The following TVP23C variants were observed in gnomAD, a reference collection of about 807,000 sequenced individuals.
The protein encoded by TVP23C is Golgi apparatus membrane protein TVP23 homolog C.
In TVP23C, 19 loss-of-function variants were observed where a neutral mutation model predicts 28.7. The ratio of observed to expected loss-of-function variants is 0.66; its 90% confidence interval spans 0.46 to 0.97. The LOEUF (loss-of-function observed/expected upper bound fraction) is 0.97, where lower values mean the gene tolerates loss of function less well. Ranked by LOEUF, TVP23C falls within the 50% of genes least tolerant of loss-of-function variation. The pLI, the probability that TVP23C is intolerant of heterozygous loss-of-function variation, is 0.00. For synonymous variants in TVP23C, 68 were observed against 81.7 expected (o/e 0.83, Z 0.90); for missense variants, 186 against 241.3 (o/e 0.77, Z 1.52).
Position 15,505,019 on chromosome 17 carries a change from A to G in TVP23C, c.463-1787T>C, listed in dbSNP as rs1265407462. ...TTTGAGTCAGCATCATGCACAGCCC[A>G]GGCCACACAGACCCACAGTTATATA... On this transcript the variant is annotated intron_variant, in intron 5 of 5. Transcript: ENST00000225576. 5.3e-5 allele frequency among the ~76,000 whole-genome samples: 8 copies of G among 152,344 alleles called. No individual in the cohort carries two copies. The East Asian group carries it at 1.5e-3, about 29-fold the overall frequency.
chr17:15,558,756 G>A (rs1404065806), intron 1 of TVP23C, among the ~76,000 whole-genome samples: 1 of 148,730 alleles, frequency 6.7e-6, no homozygotes, highest in Non-Finnish European at 1.5e-5. Context: ...AACCCCTTGA[G>A]CCTCATTCTG....
chr17:15,550,372 T>A (rs1983834145), intron 3 of TVP23C, among the ~76,000 whole-genome samples: 1 of 152,220 alleles, frequency 6.6e-6, no homozygotes, highest in Admixed American at 6.5e-5. Flanking sequence ...GTAGAAAATG[T>A]AGGTGCTTTG....
At chr17:15,506,718 G>A (rs567696830) in intron 5 of TVP23C, 2 of 355,204 alleles carry the variant, frequency 5.6e-6, no homozygotes, top group East Asian at 6.9e-5. Context: ...GAACCCACCA[G>A]AAGGAAGAAA....
chr17:15,554,901 G>A (rs1209239827), intron 2 of TVP23C, among the ~76,000 whole-genome samples: 2 of 152,186 alleles, frequency 1.3e-5, no homozygotes, highest in Non-Finnish European at 2.9e-5. Context: ...ATTTGCTTTC[G>A]ATAAGTGAAT....
intron 5 of TVP23C, among the ~76,000 whole-genome samples, chr17:15,507,868 A>G (rs541590496): frequency 1.2e-4 from 19 of 152,062 alleles, no homozygotes; most frequent in African/African-American, 4.3e-4. Flanking sequence ...ACTAAATAAC[A>G]AAAAAAAGAA....
At chr17:15,530,336 G>A (rs1320040168) in intron 5 of TVP23C, among the ~76,000 whole-genome samples, 1 of 151,950 alleles carries the variant, frequency 6.6e-6, no homozygotes, top group Admixed American at 6.6e-5. Context: ...GGTTGCCCTA[G>A]GGACTATGAT....
intron 5 of TVP23C, among the ~76,000 whole-genome samples, chr17:15,525,114 A>C (rs73978055): frequency 0.055 from 8,321 of 152,274 alleles, 741 homozygotes; most frequent in African/African-American, 0.19. Flanking sequence ...ACACACTGGA[A>C]ATCTGTACCT....
exon 6 of TVP23C, chr17:15,502,672 T>C (rs1041350654): frequency 8.1e-6 from 8 of 993,046 alleles, no homozygotes; most frequent in African/African-American, 3.3e-5. Context: ...TCTGCCCTTT[T>C]CCCCTTAGTT....
At position 15,547,121 on chromosome 17, in the gene TVP23C, G is replaced by A; in HGVS notation, c.268C>T (p.Leu90=). The change falls in exon 4 of 6, where the codon CTA becomes TTA. Residue 90 remains leucine, a synonymous_variant. Coordinates refer to ENST00000518321, the MANE Select transcript of TVP23C (RefSeq NM_001135036.2). The part of the protein sequence containing the change: ...KNVTGRLMVG[L]RWWNHIDEDG... ...TCATCAATGTGATTCCACCAACGTA[G>A]GCCAACCATTAGTCTACCTGTGACA... is the stretch of plus-strand genomic sequence containing the variant. 6.2e-7 allele frequency: 1 copy of A among 1,609,962 alleles called. No individual in the cohort carries two copies. The highest frequency in any genetic ancestry group is 8.5e-7 in the Non-Finnish European group (1 of 1,178,822).
chr17:15,549,705 C>G (rs998121470), intron 3 of TVP23C, among the ~76,000 whole-genome samples: 2 of 151,840 alleles, frequency 1.3e-5, no homozygotes, highest in African/African-American at 2.4e-5. Context: ...ATTTGAGATG[C>G]CTTCAAGACA....
At chr17:15,562,238 G>A (rs1209462258) in intron 1 of TVP23C, 1 of 152,126 alleles carries the variant, frequency 6.6e-6, no homozygotes, top group African/African-American at 2.4e-5. Context: ...TGTTTTGTTT[G>A]AGACGGAGTC....
rs2921195 is a variant in TVP23C at position 15,526,955 on chromosome 17, A to G, written c.462+18830T>C. Among the ~76,000 whole-genome samples the G allele has an allele frequency of 5.5e-3, 836 of 152,296 alleles. 4 individuals are homozygous for G. Among genetic ancestry groups the G allele is most frequent in the African/African-American group, 0.019 (792 of 41,562 alleles). ...TGTTAAATAAAATTTATAGGAGGTC[A>G]TTGGTTTGAAGTAAGTTCCTGCACT... On this transcript the variant is annotated intron_variant, in intron 5 of 5. Coordinates refer to the TVP23C transcript ENST00000225576.
chr17:15,554,343 T>C (rs541576840), intron 2 of TVP23C, among the ~76,000 whole-genome samples: 59 of 149,288 alleles, frequency 4.0e-4, no homozygotes, highest in Non-Finnish European at 7.4e-5. Flanking sequence ...GTTCACGCCA[T>C]TGTCCTGCCT....
chr17:15,503,316 G>A (rs1597497595), intron 5 of TVP23C: 2 of 1,421,814 alleles, frequency 1.4e-6, no homozygotes, highest in Admixed American at 2.8e-5. Flanking sequence ...GAGATGGGAG[G>A]ATCGCTTCAG....
intron 5 of TVP23C, among the ~76,000 whole-genome samples, chr17:15,541,459 C>T (rs961665053): frequency 3.9e-5 from 6 of 151,980 alleles, no homozygotes; most frequent in East Asian, 1.9e-4. Flanking sequence ...AAACAGGTGT[C>T]GGGCTGGATT....
At chr17:15,535,213 C>T (rs1228450833), downstream of TVP23C, among the ~76,000 whole-genome samples, 1 of 152,160 alleles carries the variant, frequency 6.6e-6, no homozygotes, top group Non-Finnish European at 1.5e-5. Flanking sequence ...AAGTACTGGG[C>T]TCTATGTACC....
intron 4 of TVP23C, among the ~76,000 whole-genome samples, 193 bp downstream of exon 4, chr17:15,546,866 T>C (rs1444899519): frequency 3.9e-5 from 6 of 152,040 alleles, no homozygotes. Context: ...ATTCTGTTCG[T>C]ATATTGCTTG....
intron 5 of TVP23C, among the ~76,000 whole-genome samples, chr17:15,518,167 C>CAAAAAA (rs895582466): frequency 3.1e-4 from 17 of 54,264 alleles, no homozygotes; most frequent in Non-Finnish European, 5.1e-4. Context: ...GACTCCATCT[C>CAAAAAA]AAAAAAAAAA....
chr17:15,524,589 A>T (rs1347889819), intron 5 of TVP23C, among the ~76,000 whole-genome samples: 3 of 152,218 alleles, frequency 2.0e-5, no homozygotes, highest in Admixed American at 1.3e-4. Context: ...ATATGAAATC[A>T]GACACCCAAA....
Sources: allele counts gnomAD v4.1 joint callset (sites outside exome capture counted in the v4.1 genomes callset), GRCh38; gene constraint gnomAD v4.1.1; transcripts MANE v1.5; gene names NCBI Gene and HGNC (gene_info 2026-07-23, HGNC 2026-07-21).